The following DNAH6 variants were observed in gnomAD, a reference collection of about 807,000 sequenced individuals.
DNAH6 encodes the protein dynein axonemal heavy chain 6.
DNAH6 carries 340 observed loss-of-function variants against 491.4 expected under a neutral mutation model. That is an observed-to-expected ratio of 0.69 (90% CI 0.63 to 0.76). The LOEUF (loss-of-function observed/expected upper bound fraction) is 0.76, where lower values mean the gene tolerates loss of function less well. Ranked by LOEUF, DNAH6 falls within the 30% of genes least tolerant of loss-of-function variation. DNAH6 has a pLI of 0.00. For synonymous variants in DNAH6, 1,603 were observed against 1,686.1 expected, an observed-to-expected ratio of 0.95 and a Z score of 1.21; for missense variants, 4,443 against 4,972.2, an observed-to-expected ratio of 0.89 and a Z score of 3.20.
chr2:84,544,347 G>A lies in DNAH6; in HGVS notation c.777G>A (p.Gln259=). 1 of 1,545,460 alleles carries A rather than the reference G, an allele frequency of 6.5e-7. No homozygotes were observed. The highest frequency in any genetic ancestry group is 8.8e-7 in the Non-Finnish European group (1 of 1,141,662). Residue 259 remains glutamine (Q), a synonymous_variant, in exon 5 of 77, where the codon CAG becomes CAA. Transcript: ENST00000389394. ...IEFIEIDRWE[Q]EYLYHRELTK... The stretch of plus-strand genomic sequence containing the variant: ...TTATCGAAATTGATCGATGGGAACA[G>A]GAATATCTGTATCACAGAGAACTCA...
Position 84,624,478 on chromosome 2 carries a change from A to G in DNAH6, c.4211A>G (p.Glu1404Gly). Residue 1404 changes from glutamate to glycine, a missense_variant, in exon 28 of 77, where the codon GAA becomes GGA. By Grantham distance (98) the Glu-to-Gly change is moderately conservative (BLOSUM62 -2). Around this residue, in one of 3 missense-constraint regions of DNAH6, gnomAD observed 2,977 missense variants for 3,296.6 expected, o/e 0.90. Transcript: ENST00000389394. ...TATCACATATAGGTGGAGACAGTTGAATCTTTTGACTGGCAGAGACAACTG... is the reference window on the plus strand; with the variant it reads ...TATCACATATAGGTGGAGACAGTTGGATCTTTTGACTGGCAGAGACAACTG... ...ELVQSKVETV[E>G]SFDWQRQLRY... 6.4e-7 allele frequency: 1 copy of G among 1,551,862 alleles called. No individual in the cohort carries two copies. The highest frequency in any genetic ancestry group is 8.7e-7 in the Non-Finnish European group (1 of 1,146,984).
Position 84,787,285 on chromosome 2 carries a change from C to A in DNAH6, c.11222C>A (p.Ala3741Glu). ...AAAGAAGGAAAGATTCCCTGGGATG[C>A]ACTAATTTACATTACTGGTGAGTAC... ...YCKEGKIPWD[A>E]LIYITGEITY... Residue 3741 changes from alanine (A) to glutamate (E), a missense_variant, in exon 68 of 77, where the codon GCA (alanine) becomes GAA (glutamate). Physicochemically the swap from Ala to Glu is moderately radical, Grantham distance 107. Around this residue, in one of 3 missense-constraint regions of DNAH6, gnomAD observed 1,463 missense variants for 1,656.6 expected, o/e 0.88. Transcript: ENST00000389394. 1 of 1,548,526 alleles carries A rather than the reference C, an allele frequency of 6.5e-7. No homozygotes were observed. Among genetic ancestry groups the A allele is most frequent in the Non-Finnish European group, 8.7e-7 (1 of 1,145,566 alleles).
In DNAH6 at chr2:84,808,514, G is replaced by A. The variant is rs779585612; in HGVS notation, c.11711G>A (p.Arg3904Gln). The change falls in exon 72 of 77, where the codon CGG (arginine) becomes CAG (glutamine). Residue 3904 changes from arginine (R) to glutamine (Q), a missense_variant. Arg to Gln is a conservative substitution (Grantham distance 43). This residue lies in a region of DNAH6 where 1,463 missense variants were observed against 1,656.6 expected (regional missense o/e 0.88). Transcript: ENST00000389394. ...ACCGTTCTTGGACAGGAAGTGGACC[G>A]GTTTAACAACCTGCTGAAGTTAATT... The part of the protein sequence containing the change: ...LTTVLGQEVD[R>Q]FNNLLKLIHT... The A allele has an allele frequency of 5.0e-5, 78 of 1,551,568 alleles. No individual in the cohort carries two copies. The highest frequency in any genetic ancestry group is 6.8e-5 in the African/African-American group (5 of 72,996).
intron 70 of DNAH6, among the ~76,000 whole-genome samples, chr2:84,801,269 GA>G (rs548174516): frequency 0.021 from 2,368 of 110,444 alleles, 21 homozygotes; most frequent in Middle Eastern, 0.053. Flanking sequence ...AAAAGAAAAA[GA>G]AAAAAAAAAA....
chr2:84,471,899 G>T, the DNAH6 span, among the ~76,000 whole-genome samples: 1 of 152,128 alleles, frequency 6.6e-6, no homozygotes, highest in Admixed American at 6.5e-5. Context: ...GTACAGGTGG[G>T]TCCACTAGAT....
intron 26 of DNAH6, 53 bp from the exon 27 acceptor site, chr2:84,624,212 T>C: frequency 6.9e-7 from 1 of 1,454,680 alleles, no homozygotes; most frequent in Non-Finnish European, 9.2e-7. Context: ...AGATAATGTA[T>C]ATATGTAAGC....
chr2:84,748,113 T>C (rs1180454499), intron 63 of DNAH6, among the ~76,000 whole-genome samples: 3 of 152,194 alleles, frequency 2.0e-5, no homozygotes, highest in Non-Finnish European at 4.4e-5. Context: ...GAAGTCTTTT[T>C]TCCCCCTGCC....
intron 72 of DNAH6, among the ~76,000 whole-genome samples, chr2:84,809,701 C>T (rs977647025): frequency 6.6e-6 from 1 of 152,168 alleles, no homozygotes; most frequent in South Asian, 2.1e-4. Context: ...GTTAATTCTG[C>T]TTTGTGAGCT....
the DNAH6 span, among the ~76,000 whole-genome samples, chr2:84,501,127 A>AT: frequency 1.3e-5 from 2 of 152,004 alleles, no homozygotes; most frequent in African/African-American, 4.8e-5. Flanking sequence ...AAGGCTTTTG[A>AT]TTTTTTCCCA....
intron 4 of DNAH6, among the ~76,000 whole-genome samples, chr2:84,542,070 C>T (rs1230944927): frequency 1.3e-5 from 2 of 152,202 alleles, no homozygotes; most frequent in African/African-American, 4.8e-5. Context: ...AAGAGAAATA[C>T]AAATAAAAGG....
At chr2:84,797,467 A>G in intron 69 of DNAH6, 70 bp from the exon 70 acceptor site, 1 of 1,476,186 alleles carries the variant, frequency 6.8e-7, no homozygotes, top group Admixed American at 2.4e-5. Context: ...CCACACAAAG[A>G]AAAATCAAAC....
At chr2:84,593,918 T>C (rs1401607755) in intron 16 of DNAH6, 54 bp from the exon 17 acceptor site, 11 of 1,038,348 alleles carry the variant, frequency 1.1e-5, no homozygotes, top group Non-Finnish European at 1.6e-5. Flanking sequence ...GAATAGCATA[T>C]GCTCATTATA....
intron 28 of DNAH6, 75 bp downstream of exon 28, chr2:84,624,695 G>A: frequency 6.9e-7 from 1 of 1,448,956 alleles, no homozygotes; most frequent in Non-Finnish European, 9.3e-7. Flanking sequence ...AGTTTCATAT[G>A]ACATTAACTC....
At chr2:84,721,150 C>T (rs1408244689) in intron 59 of DNAH6, among the ~76,000 whole-genome samples, 7 of 152,204 alleles carry the variant, frequency 4.6e-5, no homozygotes. Context: ...AATCCACTTT[C>T]CTTCTCTTTA....
chr2:84,529,268 A>T, intron 4 of DNAH6, 102 bp downstream of exon 4: 1 of 965,700 alleles, frequency 1.0e-6, no homozygotes, highest in Non-Finnish European at 1.5e-6. Context: ...TATCAAATAT[A>T]ATTTTGGTTA....
chr2:84,791,214 A>G (rs889018674), intron 68 of DNAH6, among the ~76,000 whole-genome samples: 2 of 151,858 alleles, frequency 1.3e-5, no homozygotes, highest in African/African-American at 2.4e-5. Context: ...AAAAGAAAAA[A>G]AAAACACACA....
chr2:84,814,168 G>T, intron 75 of DNAH6, 46 bp downstream of exon 75: 2 of 1,529,744 alleles, frequency 1.3e-6, no homozygotes, highest in Non-Finnish European at 1.8e-6. Flanking sequence ...CTATCCCACT[G>T]TCTTTGAAGA....
chr2:84,747,718 G>A (rs1198923815), intron 63 of DNAH6, among the ~76,000 whole-genome samples: 6 of 152,160 alleles, frequency 3.9e-5, no homozygotes, highest in African/African-American at 1.4e-4. Flanking sequence ...CTCTAGTAGG[G>A]TCTCTCTATG....
chr2:84,488,955 C>T, the DNAH6 span, among the ~76,000 whole-genome samples: 4 of 152,002 alleles, frequency 2.6e-5, no homozygotes, highest in Non-Finnish European at 5.9e-5. Context: ...CAGATAAGCC[C>T]TCACCATAAG....
Sources: gnomAD v4.1 joint callset for allele counts (sites outside exome capture counted in the v4.1 genomes callset) on GRCh38, gnomAD v4.1.1 for gene constraint, gnomAD v4.1.1 regional missense constraint, MANE v1.5 for transcripts, NCBI Gene and HGNC (gene_info 2026-07-23, HGNC 2026-07-21) for gene names.